The following EBF2 variants were observed in gnomAD, a reference collection of about 807,000 sequenced individuals.
EBF2 encodes the protein transcription factor COE2.
EBF2 carries 21 observed loss-of-function variants against 72.8 expected under a neutral mutation model. The observed-to-expected ratio is 0.29, with a 90% CI of 0.20 to 0.42. The LOEUF (loss-of-function observed/expected upper bound fraction) is 0.42. Ranked by LOEUF, EBF2 falls within the 10% of genes least tolerant of loss-of-function variation. The probability of loss-of-function intolerance (pLI) is 1.00; values close to 1 mark genes in which losing one functional copy is unlikely to be tolerated. For missense variants in EBF2, 637 were observed against 731.2 expected (o/e 0.87, Z 1.49); for synonymous variants, 299 against 274.2 (o/e 1.09, Z -0.89).
intron 6 of EBF2, among the ~76,000 whole-genome samples, chr8:25,989,746 CT>C (rs1424628934): frequency 6.6e-6 from 1 of 152,180 alleles, no homozygotes; most frequent in African/African-American, 2.4e-5. Context: ...GCACATGAGT[CT>C]CCCGTTCCGT....
At chr8:25,908,369 T>C (rs1371499578) in intron 7 of EBF2, 105 bp downstream of exon 7, 1 of 791,522 alleles carries the variant, frequency 1.3e-6, no homozygotes, top group Non-Finnish European at 2.1e-6. Context: ...TTGTTAGGAG[T>C]AGCAGTGAAT....
intron 6 of EBF2, among the ~76,000 whole-genome samples, chr8:26,027,759 A>G (rs1257359760): frequency 3.3e-5 from 5 of 152,132 alleles, no homozygotes; most frequent in Middle Eastern, 3.2e-3. Flanking sequence ...GTTCATCCAT[A>G]CAACGGAATA....
Position 25,858,412 on chromosome 8 carries a change from T to A in EBF2, c.1435A>T (p.Met479Leu), listed in dbSNP as rs1303121274. The change falls in exon 14 of 16, where the codon ATG becomes TTG. Residue 479 changes from methionine (M) to leucine (L), a missense_variant. Transcript: ENST00000520164. ...ATGGGGACATTGCTGTAGCCATTCA[T>A]ACTGTTGCTGGAGGTACTGTAATTA... ...QSNYSTSSNS[M>L]NGYSNVPMAN... is the part of the protein sequence containing the mutation. The A allele has an allele frequency of 6.2e-7, 1 of 1,614,152 alleles. No homozygotes were observed. Among genetic ancestry groups the A allele is most frequent in the Non-Finnish European group, 8.5e-7 (1 of 1,180,024 alleles).
intron 6 of EBF2, among the ~76,000 whole-genome samples, chr8:25,939,420 T>A (rs1443570798): frequency 6.6e-6 from 1 of 152,200 alleles, no homozygotes; most frequent in Non-Finnish European, 1.5e-5. Flanking sequence ...GTTTTGCATT[T>A]GTGTTTGCGT....
intron 10 of EBF2, among the ~76,000 whole-genome samples, chr8:25,874,940 C>A (rs1193388891): frequency 2.0e-5 from 3 of 150,204 alleles, no homozygotes; most frequent in Admixed American, 1.3e-4. Flanking sequence ...CTGGCCTCAG[C>A]CTCCCAAAGT....
intron 6 of EBF2, among the ~76,000 whole-genome samples, chr8:25,984,146 T>A (rs1439003613): frequency 2.6e-5 from 4 of 152,128 alleles, no homozygotes; most frequent in Non-Finnish European, 5.9e-5. Context: ...AATAAATTAT[T>A]TCCGGAATGC....
At chr8:25,994,498 G>T (rs7824983) in intron 6 of EBF2, among the ~76,000 whole-genome samples, 2 of 152,106 alleles carry the variant, frequency 1.3e-5, no homozygotes, top group East Asian at 3.9e-4. Flanking sequence ...TATGTTCACC[G>T]CAACACTATT....
intron 13 of EBF2, among the ~76,000 whole-genome samples, chr8:25,860,697 T>C (rs12677611): frequency 2.0e-5 from 3 of 151,674 alleles, no homozygotes; most frequent in Non-Finnish European, 2.9e-5. Flanking sequence ...GCTATTTTTT[T>C]ATAGAGATGG....
At chr8:25,933,523 T>C (rs974696316) in intron 6 of EBF2, among the ~76,000 whole-genome samples, 10 of 152,176 alleles carry the variant, frequency 6.6e-5, no homozygotes, top group Non-Finnish European at 1.5e-4. Context: ...TATGGCGATA[T>C]AGATCAAAAG....
chr8:26,022,580 T>C (rs1442359231), intron 6 of EBF2, among the ~76,000 whole-genome samples: 2 of 152,186 alleles, frequency 1.3e-5, no homozygotes, highest in Non-Finnish European at 2.9e-5. Context: ...GTTTGTTCCA[T>C]CTCTGCAAAT....
chr8:25,937,646 T>C (rs1585201381), intron 6 of EBF2, among the ~76,000 whole-genome samples: 1 of 152,188 alleles, frequency 6.6e-6, no homozygotes, highest in Non-Finnish European at 1.5e-5. Flanking sequence ...ATTTGTGGCA[T>C]AGATGTTCTT....
intron 6 of EBF2, among the ~76,000 whole-genome samples, chr8:25,991,122 A>C (rs1357289200): frequency 6.6e-6 from 1 of 152,086 alleles, no homozygotes; most frequent in Non-Finnish European, 1.5e-5. Flanking sequence ...AATAAAAAAA[A>C]AGGAGATGCT....
Position 25,872,016 on chromosome 8 carries a change from G to A in EBF2, c.1010-9219C>T, listed in dbSNP as rs143246667. Among the ~76,000 whole-genome samples the A allele has an allele frequency of 2.3e-3, 342 of 150,786 alleles. 2 individuals carry two copies. The highest frequency in any genetic ancestry group is 7.8e-3 in the African/African-American group (323 of 41,166). On this transcript the variant is annotated intron_variant, in intron 10 of 15. Coordinates refer to ENST00000520164, the MANE Select transcript of EBF2 (RefSeq NM_022659.4). Reference sequence around the variant, plus strand: ...ATTAATTTTCCCAAAGGATTAGTGCGATATAAAATTCTATATGGTTTTAAT... The same window carrying A: ...ATTAATTTTCCCAAAGGATTAGTGCAATATAAAATTCTATATGGTTTTAAT...
intron 5 of EBF2, among the ~76,000 whole-genome samples, chr8:26,037,978 G>A (rs952080575): frequency 6.6e-6 from 1 of 152,210 alleles, no homozygotes; most frequent in Non-Finnish European, 1.5e-5. Flanking sequence ...ATGAAACTAA[G>A]TATATGCAAT....
intron 6 of EBF2, among the ~76,000 whole-genome samples, chr8:26,021,934 A>G (rs953744402): frequency 6.6e-6 from 1 of 152,220 alleles, no homozygotes; most frequent in Non-Finnish European, 1.5e-5. Flanking sequence ...TCTATTTCCT[A>G]TGTGTATCTT....
intron 10 of EBF2, among the ~76,000 whole-genome samples, chr8:25,866,498 A>G (rs1563381368): frequency 1.4e-5 from 2 of 143,682 alleles, no homozygotes; most frequent in African/African-American, 2.5e-5. Context: ...TATAATATAT[A>G]TAATATATAG....
At chr8:25,923,689 T>G (rs1486877159) in intron 6 of EBF2, among the ~76,000 whole-genome samples, 2 of 152,214 alleles carry the variant, frequency 1.3e-5, no homozygotes, top group Non-Finnish European at 2.9e-5. Context: ...CATTTTTTAT[T>G]CAAGTTTGAT....
In EBF2 at chr8:25,860,126, C is replaced by G. The variant is rs541328465; in HGVS notation, c.1342+923G>C. Among the ~76,000 whole-genome samples the G allele has an allele frequency of 5.9e-5, 9 of 152,220 alleles. No homozygotes were observed. In the East Asian group the frequency reaches 1.5e-3, roughly 26 times the overall value. On this transcript the variant is annotated intron_variant, in intron 13 of 15. Transcript: ENST00000520164. ...CCATTGTTAAGGACCTCATTAGGAA[C>G]ATTTACTCCTTTTAAAAATGATTCG...
chr8:25,969,490 G>A (rs1353683963), intron 6 of EBF2, among the ~76,000 whole-genome samples: 1 of 152,210 alleles, frequency 6.6e-6, no homozygotes, highest in Non-Finnish European at 1.5e-5. Flanking sequence ...ACTCCCTCCT[G>A]GGAGACAGGA....
Sources: gnomAD v4.1 joint callset for allele counts (sites outside exome capture counted in the v4.1 genomes callset) on GRCh38, gnomAD v4.1.1 for gene constraint, MANE v1.5 for transcripts, NCBI Gene and HGNC (gene_info 2026-07-23, HGNC 2026-07-21) for gene names.